Variants in BABAM2 observed in about 807,000 individuals in gnomAD.
BABAM2 encodes the protein BRISC and BRCA1 A complex member 2, also known as BRISC and BRCA1-A complex member 2.
BABAM2 carries 31 observed loss-of-function variants against 54.7 expected under a neutral mutation model. That is an observed-to-expected ratio of 0.57 (90% CI 0.43 to 0.77). The LOEUF is 0.77. Among genes scored for constraint, BABAM2 ranks in the 30% least tolerant of loss-of-function variants. The pLI is 0.00. For synonymous variants in BABAM2, 167 were observed against 162.9 expected (o/e 1.03, Z -0.19); for missense variants, 364 against 455.8 (o/e 0.80, Z 1.83).
rs115682222 is a variant in BABAM2, at chr2:28,136,016, G to A, written c.680+6636G>A. ...AAGTAAATGCACAGCTCTCCATCTGGCATTCAGATTCCGTGTTACAGTCCT... is the reference window on the plus strand; with the variant it reads ...AAGTAAATGCACAGCTCTCCATCTGACATTCAGATTCCGTGTTACAGTCCT... On this transcript the variant is annotated intron_variant, in intron 7 of 11. Transcript: ENST00000379624. Among the ~76,000 whole-genome samples, 990 of 152,248 alleles carry A rather than the reference G, an allele frequency of 6.5e-3. 7 individuals carry two copies. The highest frequency in any genetic ancestry group is 0.023 in the African/African-American group (938 of 41,554).
chr2:27,951,227 A>G (rs1290865251), intron 3 of BABAM2, among the ~76,000 whole-genome samples: 7 of 152,102 alleles, frequency 4.6e-5, no homozygotes, highest in Non-Finnish European at 1.0e-4. Context: ...GTTTATTAAC[A>G]TGGTCATTGA....
In BABAM2 at chr2:28,322,243, C is replaced by G. The variant is rs891385968; in HGVS notation, c.1089-16207C>G. On this transcript the variant is annotated intron_variant, in intron 11 of 11. Transcript: ENST00000379624. The surrounding 1 kb of genome is among the most constrained non-coding windows in gnomAD (Gnocchi z 4.1). ...TTCCAGCTGCCCCTACCATTCGGTGCACAAGTGTCCCTGAACTTCGGTGAA... is the reference window on the plus strand; with the variant it reads ...TTCCAGCTGCCCCTACCATTCGGTGGACAAGTGTCCCTGAACTTCGGTGAA... Among the ~76,000 whole-genome samples the G allele has an allele frequency of 2.6e-5, 4 of 152,144 alleles. No individual in the cohort carries two copies. The highest frequency in any genetic ancestry group is 9.7e-5 in the African/African-American group (4 of 41,432).
chr2:28,100,106 A>T (rs1666950338), intron 6 of BABAM2, among the ~76,000 whole-genome samples: 1 of 152,110 alleles, frequency 6.6e-6, no homozygotes, highest in Admixed American at 6.6e-5. Context: ...TATTTTAGAT[A>T]GATTTTTAAT....
chr2:27,997,689 T>G (rs1188993542), intron 4 of BABAM2, among the ~76,000 whole-genome samples: 4 of 152,194 alleles, frequency 2.6e-5, no homozygotes, highest in African/African-American at 9.7e-5. Flanking sequence ...TTAAAAACAT[T>G]CACTCTCCTA....
intron 5 of BABAM2, among the ~76,000 whole-genome samples, chr2:28,039,222 G>A (rs755471274): frequency 4.6e-5 from 7 of 152,122 alleles, no homozygotes; most frequent in Non-Finnish European, 5.9e-5. Flanking sequence ...TGAGCTCTGT[G>A]ACTCTTTGTT....
At chr2:28,127,407 G>A (rs1410709603) in intron 6 of BABAM2, among the ~76,000 whole-genome samples, 2 of 152,076 alleles carry the variant, frequency 1.3e-5, no homozygotes, top group East Asian at 3.9e-4. Context: ...TGAACTTGTG[G>A]GGTCAGTAGT....
intron 3 of BABAM2, among the ~76,000 whole-genome samples, chr2:27,932,243 G>A (rs1045156645): frequency 6.6e-6 from 1 of 151,852 alleles, no homozygotes; most frequent in African/African-American, 2.4e-5. Context: ...TCACAATTAG[G>A]TATCTTAATT....
chr2:28,247,954 T>C (rs1215827318), intron 10 of BABAM2, among the ~76,000 whole-genome samples: 3 of 152,312 alleles, frequency 2.0e-5, no homozygotes, highest in African/African-American at 4.8e-5. Context: ...GTGGCCATGA[T>C]TGTGGCCATG....
At chr2:28,130,575 C>T (rs1448881245) in intron 7 of BABAM2, among the ~76,000 whole-genome samples, 3 of 151,974 alleles carry the variant, frequency 2.0e-5, no homozygotes, top group Admixed American at 1.3e-4. Flanking sequence ...ACCTCAGTCT[C>T]CCAAGTGGCT....
intron 2 of BABAM2, among the ~76,000 whole-genome samples, chr2:27,900,541 C>T (rs981046992): frequency 1.6e-4 from 25 of 152,094 alleles, no homozygotes; most frequent in African/African-American, 5.8e-4. Context: ...GATCTATCTT[C>T]GTACTTTTCA....
At chr2:27,977,949 C>T (rs1671714527) in intron 3 of BABAM2, among the ~76,000 whole-genome samples, 1 of 152,138 alleles carries the variant, frequency 6.6e-6, no homozygotes. Context: ...ATGGAATTTT[C>T]AGAGAGATAT....
At chr2:27,922,802 C>T (rs776373079) in intron 2 of BABAM2, among the ~76,000 whole-genome samples, 2 of 151,988 alleles carry the variant, frequency 1.3e-5, no homozygotes, top group Admixed American at 6.6e-5. Flanking sequence ...TATACTTAAC[C>T]GTCAGCAATT....
intron 10 of BABAM2, among the ~76,000 whole-genome samples, chr2:28,294,799 A>T (rs1687551582): frequency 6.6e-6 from 1 of 152,212 alleles, no homozygotes; most frequent in South Asian, 2.1e-4. Flanking sequence ...CTGTATTTTT[A>T]AAATTTTATT....
At chr2:27,998,067 C>G (rs1408043591) in intron 4 of BABAM2, among the ~76,000 whole-genome samples, 1 of 151,968 alleles carries the variant, frequency 6.6e-6, no homozygotes, top group Non-Finnish European at 1.5e-5. Flanking sequence ...GGAGGAGAAT[C>G]GTTTGAACCT....
In BABAM2 at chr2:28,172,701, TC is replaced by T. The variant is rs532434124; in HGVS notation, c.680+43323del. 9.8e-5 allele frequency among the ~76,000 whole-genome samples: 15 copies of T among 152,290 alleles called. No homozygotes were observed. The South Asian group carries it at 3.1e-3, about 32-fold the overall frequency. ...ATGTGTAATGGGGACGAACGAGTAT[TC>T]CTGTACCTTCTTGTTGAGTAGAAGA... On this transcript the variant is annotated intron_variant, in intron 7 of 11. Transcript: ENST00000379624.
intron 11 of BABAM2, among the ~76,000 whole-genome samples, chr2:28,317,063 G>A (rs1002293773): frequency 6.6e-6 from 1 of 152,128 alleles, no homozygotes; most frequent in African/African-American, 2.4e-5. Flanking sequence ...TTGGCTGCAT[G>A]TCCTTCGGCA....
chr2:28,030,602 A>AAAT (rs767116251), intron 5 of BABAM2, among the ~76,000 whole-genome samples: 9 of 152,214 alleles, frequency 5.9e-5, no homozygotes, highest in Non-Finnish European at 1.2e-4. Flanking sequence ...ATATTAAAGG[A>AAAT]CAGCCTGCTA....
chr2:28,178,801 G>C (rs1321402747), intron 7 of BABAM2, among the ~76,000 whole-genome samples: 1 of 151,274 alleles, frequency 6.6e-6, no homozygotes, highest in African/African-American at 2.4e-5. Context: ...AACAAAAAAA[G>C]AGGACATTAC....
intron 10 of BABAM2, among the ~76,000 whole-genome samples, chr2:28,273,548 G>A (rs1014308889): frequency 2.0e-5 from 3 of 152,070 alleles, no homozygotes; most frequent in Admixed American, 6.6e-5. Context: ...GTGAAACCCC[G>A]TGTCTACTAA....
Sources: gnomAD v4.1 joint callset for allele counts (sites outside exome capture counted in the v4.1 genomes callset) on GRCh38, gnomAD v4.1.1 for gene constraint, Gnocchi (gnomAD v3.1) non-coding constraint, MANE v1.5 for transcripts, NCBI Gene and HGNC (gene_info 2026-07-23, HGNC 2026-07-21) for gene names.